Variants in CTCF observed in about 807,000 individuals in gnomAD.
CTCF encodes the protein transcriptional repressor CTCF.
CTCF carries 7 observed loss-of-function variants against 72.3 expected under a neutral mutation model. The observed-to-expected ratio is 0.10, with a 90% confidence interval of 0.06 to 0.18. The LOEUF (loss-of-function observed/expected upper bound fraction) is 0.18, where lower values mean the gene tolerates loss of function less well. Among genes scored for constraint, CTCF ranks in the 10% least tolerant of loss-of-function variants. The pLI, the probability that CTCF is intolerant of heterozygous loss-of-function variation, is 1.00. For synonymous variants in CTCF, 374 were observed against 315.8 expected, an observed-to-expected ratio of 1.18 and a Z score of -1.95; for missense variants, 516 against 949.1, an observed-to-expected ratio of 0.54 and a Z score of 6.00.
At chr16:67,580,587 G>T (rs1367446211) in intron 2 of CTCF, among the ~76,000 whole-genome samples, 1 of 151,468 alleles carries the variant, frequency 6.6e-6, no homozygotes, top group Admixed American at 6.6e-5. Context: ...TTGAGACGAA[G>T]TCTCGCTCTT....
intron 2 of CTCF, among the ~76,000 whole-genome samples, chr16:67,588,081 C>T (rs1251131404): frequency 1.3e-5 from 2 of 152,138 alleles, no homozygotes; most frequent in Non-Finnish European, 2.9e-5. Context: ...TGGTCTCGAA[C>T]TCCTGACCTC....
At chr16:67,580,556 T>G (rs929704916) in intron 2 of CTCF, among the ~76,000 whole-genome samples, 8 of 151,294 alleles carry the variant, frequency 5.3e-5, no homozygotes, top group South Asian at 4.1e-4. Context: ...ATTTATGTAT[T>G]TATTTATTTA....
At position 67,616,761 on chromosome 16, in the gene CTCF, G is replaced by A. The variant is rs777402247; in HGVS notation, c.969G>A (p.Lys323=). 8.4e-5 allele frequency: 136 copies of A among 1,614,124 alleles called. No individual in the cohort carries two copies. In the South Asian group the frequency reaches 9.4e-4, roughly 11 times the overall value. ...LNTHTGTRPH[K]CPDCDMAFVT... is the part of the protein sequence containing the mutation. The stretch of plus-strand genomic sequence containing the variant: ...TTTCTCTAGGTACTCGTCCTCACAA[G>A]TGCCCAGACTGCGACATGGCCTTTG... The change falls in exon 5 of 12, where the codon AAG becomes AAA. Residue 323 remains lysine, a synonymous_variant. Transcript: ENST00000264010.
intron 2 of CTCF, among the ~76,000 whole-genome samples, chr16:67,605,867 C>T (rs2051966950): frequency 1.3e-5 from 2 of 152,264 alleles, no homozygotes; most frequent in South Asian, 2.1e-4. Context: ...GAAAAGACAG[C>T]TTGACTGAAG....
At chr16:67,609,232 A>G (rs1025052626) in intron 2 of CTCF, among the ~76,000 whole-genome samples, 10 of 152,172 alleles carry the variant, frequency 6.6e-5, no homozygotes, top group Non-Finnish European at 1.3e-4. Flanking sequence ...TATATGCATC[A>G]TCTCACATCC....
chr16:67,622,128 G>A (rs1369338023), intron 7 of CTCF, among the ~76,000 whole-genome samples: 1 of 152,062 alleles, frequency 6.6e-6, no homozygotes, highest in Non-Finnish European at 1.5e-5. Flanking sequence ...AGGCCAACGC[G>A]GGTGGATCAC....
At chr16:67,633,398 C>G (rs1019226405) in intron 10 of CTCF, among the ~76,000 whole-genome samples, 1 of 152,112 alleles carries the variant, frequency 6.6e-6, no homozygotes, top group African/African-American at 2.4e-5. Context: ...CGTCAGTATT[C>G]TTTATACAAT....
intron 6 of CTCF, 89 bp from the exon 7 acceptor site, chr16:67,621,353 G>A (rs2052196355): frequency 1.1e-6 from 1 of 928,206 alleles, no homozygotes; most frequent in Admixed American, 2.0e-5. Flanking sequence ...TCTCTGTGGT[G>A]TAGCATATCT....
chr16:67,581,648 C>T (rs114074082), intron 2 of CTCF, among the ~76,000 whole-genome samples: 4,496 of 152,044 alleles, frequency 0.03, 212 homozygotes, highest in African/African-American at 0.1. Flanking sequence ...GGATTACAGT[C>T]GTGCACCACC....
At chr16:67,623,579 G>A (rs1183009225) in intron 7 of CTCF, among the ~76,000 whole-genome samples, 2 of 151,546 alleles carry the variant, frequency 1.3e-5, no homozygotes, top group African/African-American at 4.9e-5. Context: ...AGGTTGCAAC[G>A]AGCCGAGATC....
chr16:67,628,341 C>T, intron 8 of CTCF, 29 bp from the exon 9 acceptor site: 2 of 1,604,554 alleles, frequency 1.2e-6, no homozygotes, highest in Non-Finnish European at 1.7e-6. Flanking sequence ...TGAGCAGGCT[C>T]TGAGGCCTTT....
chr16:67,620,211 CT>C (rs111872894), intron 5 of CTCF, among the ~76,000 whole-genome samples: 5 of 151,468 alleles, frequency 3.3e-5, no homozygotes, highest in South Asian at 2.1e-4. Context: ...AATGCGCAGT[CT>C]TTTTTTTTGA....
At chr16:67,607,415 C>T (rs751482740) in intron 2 of CTCF, among the ~76,000 whole-genome samples, 5 of 151,988 alleles carry the variant, frequency 3.3e-5, no homozygotes, top group African/African-American at 4.8e-5. Context: ...AAGTTCTTTT[C>T]GTGCCTCAGC....
At chr16:67,579,666 T>TACC (rs1439093451) in intron 2 of CTCF, among the ~76,000 whole-genome samples, 1 of 152,198 alleles carries the variant, frequency 6.6e-6, no homozygotes, top group African/African-American at 2.4e-5. Context: ...GTGCTGGGAT[T>TACC]ACAGGTATGA....
rs929817876 is a variant in CTCF, at chr16:67,611,142, GAGGAAC to G, written c.313_318del (p.Glu105_Gln106del). The G allele has an allele frequency of 1.2e-6, 2 of 1,614,084 alleles. No individual in the cohort carries two copies. The highest frequency in any genetic ancestry group is 1.7e-6 in the Non-Finnish European group (2 of 1,180,044). Reference sequence around the variant, plus strand: ...TATAACTTTACAGGTTGTAAATATGGAGGAACAGCCCATAAACATAGGAGAACTTCA... The same window carrying G: ...TATAACTTTACAGGTTGTAAATATGGAGCCCATAAACATAGGAGAACTTCA... On this transcript the variant is annotated inframe_deletion, in exon 3 of 12. Transcript: ENST00000264010.
At chr16:67,585,154 G>C (rs1472628101) in intron 2 of CTCF, among the ~76,000 whole-genome samples, 1 of 152,072 alleles carries the variant, frequency 6.6e-6, no homozygotes, top group Non-Finnish European at 1.5e-5. Flanking sequence ...GGTTTAAGCA[G>C]TTCTCCTGCC....
At position 67,629,501 on chromosome 16, in the gene CTCF, T is replaced by C. The variant is rs2052334071; in HGVS notation, c.1805T>C (p.Met602Thr). The change falls in exon 10 of 12, where the codon ATG (methionine) becomes ACG (threonine). Residue 602 changes from methionine (M) to threonine (T), a missense_variant. Physicochemically the swap from Met to Thr is moderately conservative, Grantham distance 81. This residue lies in a region of CTCF where 157 missense variants were observed against 172.9 expected (regional missense o/e 0.91). Transcript: ENST00000264010. ...AGTAAACGTGGAAGAAAAAGAAAGA[T>C]GCGCTCTAAGAAAGAAGATTCCTCT... ...KKSKRGRKRKMRSKKEDSSDS... is the reference protein window; with the variant it reads ...KKSKRGRKRKTRSKKEDSSDS... 2 of 1,613,574 alleles carry C rather than the reference T, an allele frequency of 1.2e-6. No homozygotes were observed. The highest frequency in any genetic ancestry group is 1.1e-5 in the South Asian group (1 of 91,006).
intron 10 of CTCF, among the ~76,000 whole-genome samples, chr16:67,629,743 GC>G (rs764107291): frequency 1.3e-5 from 1 of 74,838 alleles, no homozygotes; most frequent in Non-Finnish European, 2.6e-5. Flanking sequence ...GCTCATTAAT[GC>G]CCTTTTTTTT....
chr16:67,563,811 G>C (rs1312068375), intron 1 of CTCF: 5 of 152,234 alleles, frequency 3.3e-5, no homozygotes. Context: ...CACTAACTTA[G>C]TACCTGATGC....
Sources: gnomAD v4.1 joint callset for allele counts (sites outside exome capture counted in the v4.1 genomes callset) on GRCh38, gnomAD v4.1.1 for gene constraint, gnomAD v4.1.1 regional missense constraint, MANE v1.5 for transcripts, NCBI Gene and HGNC (gene_info 2026-07-23, HGNC 2026-07-21) for gene names.